The following GCLM variants were observed in gnomAD, a reference collection of about 807,000 sequenced individuals.
The protein encoded by GCLM is glutamate--cysteine ligase regulatory subunit.
GCLM carries 15 observed loss-of-function variants against 36.0 expected under a neutral mutation model. The observed-to-expected ratio is 0.42, with a 90% CI of 0.28 to 0.64. GCLM has a LOEUF of 0.64. Among genes scored for constraint, GCLM ranks in the 30% least tolerant of loss-of-function variants. The pLI is 0.25. For synonymous variants in GCLM, 129 were observed against 122.8 expected (o/e 1.05, Z -0.34); for missense variants, 242 against 325.5 (o/e 0.74, Z 1.97).
intron 2 of GCLM, 181 bp downstream of exon 2, chr1:93,904,342 T>A: frequency 3.4e-6 from 2 of 592,186 alleles, no homozygotes; most frequent in Non-Finnish European, 6.1e-6. Context: ...TTGCCTACGG[T>A]CTAGATTTTC....
intron 1 of GCLM, among the ~76,000 whole-genome samples, chr1:93,906,880 A>G (rs977879125): frequency 6.6e-6 from 1 of 152,180 alleles, no homozygotes; most frequent in Admixed American, 6.5e-5. Context: ...ACACCCTTAC[A>G]ACAAAGAACT....
intron 3 of GCLM, among the ~76,000 whole-genome samples, 168 bp downstream of exon 3, chr1:93,901,417 C>G (rs528248871): frequency 6.6e-6 from 1 of 152,260 alleles, no homozygotes; most frequent in Admixed American, 6.5e-5. Context: ...TAATAGCCAG[C>G]ACTGACCTCT....
intron 1 of GCLM, among the ~76,000 whole-genome samples, chr1:93,907,689 T>C (rs1333388294): frequency 1.3e-5 from 2 of 152,154 alleles, no homozygotes; most frequent in Admixed American, 1.3e-4. Context: ...TATTTATCTG[T>C]GGGAGAAACA....
intron 3 of GCLM, among the ~76,000 whole-genome samples, chr1:93,898,693 C>T (rs1048992902): frequency 3.3e-5 from 5 of 151,962 alleles, no homozygotes; most frequent in East Asian, 1.9e-4. Flanking sequence ...GGTGCGATCA[C>T]GGCTCACTGC....
chr1:93,899,730 A>T (rs1406205061), intron 3 of GCLM, among the ~76,000 whole-genome samples: 2 of 152,044 alleles, frequency 1.3e-5, no homozygotes, highest in Non-Finnish European at 2.9e-5. Flanking sequence ...ATTTTTTTTT[A>T]AAACTTAGTA....
intron 6 of GCLM, among the ~76,000 whole-genome samples, chr1:93,894,083 C>T (rs1305433629): frequency 1.3e-5 from 2 of 151,896 alleles, no homozygotes; most frequent in Non-Finnish European, 2.9e-5. Flanking sequence ...CATGGTGAAA[C>T]CCTGTCTCTG....
At chr1:93,893,252 C>G (rs1656599825) in intron 6 of GCLM, among the ~76,000 whole-genome samples, 1 of 152,154 alleles carries the variant, frequency 6.6e-6, no homozygotes, top group Non-Finnish European at 1.5e-5. Flanking sequence ...CTCTGAGGCT[C>G]TATTTCCTGA....
At position 93,901,647 on chromosome 1, in the gene GCLM, C is replaced by A. The variant is rs368663137; in HGVS notation, c.215G>T (p.Cys72Phe). 3.2e-6 allele frequency: 5 copies of A among 1,550,526 alleles called. No individual in the cohort carries two copies. The highest frequency in any genetic ancestry group is 4.4e-6 in the Non-Finnish European group (5 of 1,125,818). Residue 72 changes from cysteine (C) to phenylalanine (F), a missense_variant, in exon 3 of 7, where the codon TGC (cysteine) becomes TTC (phenylalanine). By Grantham distance (205) the Cys-to-Phe change is radical. Transcript: ENST00000370238. ...LVREFPDVLE[C>F]TVSHAVEKIN... is the part of the protein sequence containing the mutation. ...CTTTTCTACTGCATGAGATACAGTG[C>A]ATTCCAAGACATCTGGAAACTCCTA...
At position 93,889,011 on chromosome 1, in the gene GCLM, T is replaced by C; in HGVS notation, c.804A>G (p.Gln268=). Residue 268 remains glutamine, a synonymous_variant, in exon 7 of 7, where the codon CAA becomes CAG. Coordinates refer to ENST00000370238, the MANE Select transcript of GCLM (RefSeq NM_002061.4). ...TCAGTTAAGAACCCCTTCTTTTAGCTTGTAAAATGTAGCCTTTTGATTTGA... is the reference window on the plus strand; with the variant it reads ...TCAGTTAAGAACCCCTTCTTTTAGCCTGTAAAATGTAGCCTTTTGATTTGA... ...GIIKSKGYIL[Q]AKRRGS The C allele has an allele frequency of 1.9e-6, 3 of 1,592,964 alleles. No individual in the cohort carries two copies. Among genetic ancestry groups the C allele is most frequent in the Non-Finnish European group, 2.6e-6 (3 of 1,170,760 alleles).
chr1:93,904,725 A>T (rs187554918), intron 1 of GCLM, 137 bp from the exon 2 acceptor site: 1 of 620,828 alleles, frequency 1.6e-6, no homozygotes, highest in Non-Finnish European at 2.8e-6. Context: ...CCCAATTTTA[A>T]TCCTACAAGG....
chr1:93,908,819 C>G (rs1657245695), intron 1 of GCLM: 1 of 361,380 alleles, frequency 2.8e-6, no homozygotes, highest in Admixed American at 4.8e-5. Flanking sequence ...CAGTGCGCAG[C>G]TGCACCGGCT....
chr1:93,891,221 C>G (rs541415508), intron 6 of GCLM, among the ~76,000 whole-genome samples: 9 of 152,108 alleles, frequency 5.9e-5, no homozygotes, highest in Non-Finnish European at 1.3e-4. Context: ...TCTATGACTG[C>G]TCTGATGCCA....
intron 2 of GCLM, among the ~76,000 whole-genome samples, chr1:93,903,389 C>T (rs1318811016): frequency 2.0e-5 from 3 of 151,844 alleles, no homozygotes; most frequent in Non-Finnish European, 4.4e-5. Context: ...CAGCTCACTG[C>T]AACCTCTGCC....
intron 6 of GCLM, among the ~76,000 whole-genome samples, chr1:93,890,779 G>A (rs149742076): frequency 4.6e-5 from 7 of 152,154 alleles, no homozygotes; most frequent in Admixed American, 3.9e-4. Context: ...CTAGATACAC[G>A]CTATATTGCC....
intron 3 of GCLM, among the ~76,000 whole-genome samples, chr1:93,899,445 GT>G (rs1352830997): frequency 6.6e-6 from 1 of 152,122 alleles, no homozygotes; most frequent in Non-Finnish European, 1.5e-5. Flanking sequence ...TATTAAATGA[GT>G]TCTACTTATT....
chr1:93,895,700 A>C (rs1214151716), intron 5 of GCLM, among the ~76,000 whole-genome samples: 2 of 152,186 alleles, frequency 1.3e-5, no homozygotes, highest in African/African-American at 4.8e-5. Flanking sequence ...GAGAAGGCTG[A>C]AGAAGAAGTA....
Position 93,901,622 on chromosome 1 carries a change from C to T in GCLM, c.240G>A (p.Lys80=), listed in dbSNP as rs1557731116. ...LECTVSHAVE[K]INPDEREEMK... is the part of the protein sequence containing the mutation. The stretch of plus-strand genomic sequence containing the variant: ...TTTCTTCTCTTTCATCAGGATTTAT[C>T]TTTTCTACTGCATGAGATACAGTGC... The change falls in exon 3 of 7, where the codon AAG becomes AAA. Residue 80 remains lysine (K), a synonymous_variant. Coordinates refer to ENST00000370238, the MANE Select transcript of GCLM (RefSeq NM_002061.4). 1 of 1,583,856 alleles carries T rather than the reference C, an allele frequency of 6.3e-7. No individual in the cohort carries two copies. The highest frequency in any genetic ancestry group is 8.7e-7 in the Non-Finnish European group (1 of 1,153,876).
In GCLM at chr1:93,896,694, T is replaced by C. The variant is rs1332376688; in HGVS notation, c.464A>G (p.Gln155Arg). ...ACCTATGGCAACAATCTTTTTGCTC[T>C]GAACTAAGTTTTCTAATTCCTCCCA... ...PYWEELENLV[Q>R]SKKIVAIGTS... Residue 155 changes from glutamine to arginine, a missense_variant, in exon 5 of 7, where the codon CAG becomes CGG. Transcript: ENST00000370238. The C allele has an allele frequency of 1.2e-6, 2 of 1,614,020 alleles. No homozygotes were observed. The highest frequency in any genetic ancestry group is 2.2e-5 in the South Asian group (2 of 91,072).
At position 93,901,686 on chromosome 1, in the gene GCLM, A is replaced by C. The variant is rs1430786781; in HGVS notation, c.193-17T>G. ...TGGAAACTCCTATAATAAACACAAT[A>C]TTTAAAACAAATATAAAATTTAATG... On this transcript the variant is annotated splice_polypyrimidine_tract_variant and intron_variant, in intron 2 of 6. Transcript: ENST00000370238. The C allele has an allele frequency of 1.6e-6, 2 of 1,239,048 alleles. No homozygotes were observed. 76.8% of individuals were successfully genotyped at this position (1,239,048 alleles called of 1,614,324 possible).
Sources: allele counts gnomAD v4.1 joint callset (sites outside exome capture counted in the v4.1 genomes callset), GRCh38; gene constraint gnomAD v4.1.1; transcripts MANE v1.5; gene names NCBI Gene and HGNC (gene_info 2026-07-23, HGNC 2026-07-21).